CCDC102B: variants seen among roughly 807,000 people sequenced by gnomAD.
CCDC102B encodes coiled-coil domain containing 102B.
CCDC102B carries 75 observed loss-of-function variants against 57.4 expected under a neutral mutation model. The ratio of observed to expected loss-of-function variants is 1.31; its 90% CI spans 1.08 to 1.58. The LOEUF is 1.58. Among genes scored for constraint, CCDC102B ranks in the 40% most tolerant of loss-of-function variants. The probability of loss-of-function intolerance (pLI) is 0.00; values close to 1 mark genes in which losing one functional copy is unlikely to be tolerated. For synonymous variants in CCDC102B, 206 were observed against 201.9 expected (o/e 1.02, Z -0.17); for missense variants, 636 against 582.6 (o/e 1.09, Z -0.94).
intron 7 of CCDC102B, among the ~76,000 whole-genome samples, chr18:69,053,238 G>T (rs908513009): frequency 4.0e-5 from 6 of 151,266 alleles, no homozygotes; most frequent in Admixed American, 6.6e-5. Flanking sequence ...TAAAAAGCAA[G>T]AATATTACAT....
upstream of CCDC102B, among the ~76,000 whole-genome samples, chr18:68,795,025 TA>T (rs5825874): frequency 0.14 from 19,218 of 134,394 alleles, 1,440 homozygotes; most frequent in East Asian, 0.33. Context: ...AACTCGCCAG[TA>T]AAAAAAAAAA....
intron 2 of CCDC102B, among the ~76,000 whole-genome samples, chr18:68,716,768 T>C (rs2032025922): frequency 6.6e-6 from 1 of 151,256 alleles, no homozygotes; most frequent in Non-Finnish European, 1.5e-5. Context: ...ACCCCATCTG[T>C]ACAAAAAATT....
chr18:69,019,876 G>A (rs367782941), intron 7 of CCDC102B, among the ~76,000 whole-genome samples: 67 of 152,120 alleles, frequency 4.4e-4, no homozygotes, highest in African/African-American at 1.5e-3. Context: ...TTGTGCTTGG[G>A]CAAGTTTCTT....
intron 2 of CCDC102B, among the ~76,000 whole-genome samples, chr18:68,727,271 G>T (rs1042824596): frequency 6.6e-6 from 1 of 152,038 alleles, no homozygotes; most frequent in African/African-American, 2.4e-5. Context: ...CCATAACCAT[G>T]GTCAATAGTG....
At chr18:68,797,713 G>T (rs2035680236), upstream of CCDC102B, among the ~76,000 whole-genome samples, 1 of 146,928 alleles carries the variant, frequency 6.8e-6, no homozygotes, top group African/African-American at 2.5e-5. Context: ...GTAATGTGCA[G>T]TATAATTTCC....
At chr18:68,933,883 G>A (rs2041761176) in intron 6 of CCDC102B, among the ~76,000 whole-genome samples, 1 of 151,760 alleles carries the variant, frequency 6.6e-6, no homozygotes, top group South Asian at 2.1e-4. Flanking sequence ...CCATAACAAC[G>A]TGACTTTTAG....
intron 1 of CCDC102B, among the ~76,000 whole-genome samples, chr18:68,823,004 C>A (rs2036756037): frequency 6.6e-6 from 1 of 152,110 alleles, no homozygotes; most frequent in Non-Finnish European, 1.5e-5. Flanking sequence ...TCCCCTGTAG[C>A]ACAAATGGGA....
chr18:68,841,215 G>A (rs1466939109), intron 3 of CCDC102B, among the ~76,000 whole-genome samples: 1 of 152,140 alleles, frequency 6.6e-6, no homozygotes, highest in East Asian at 1.9e-4. Context: ...ACTGAGATGT[G>A]AATGTATTTT....
At chr18:68,950,185 G>A (rs9960832) in intron 6 of CCDC102B, among the ~76,000 whole-genome samples, 138,076 of 152,062 alleles carry the variant, frequency 0.91, 62,736 homozygotes, top group East Asian at 0.99. Context: ...CTTTTTTTCT[G>A]GAATATTTTT....
chr18:68,979,453 A>G (rs2050521346), intron 6 of CCDC102B, among the ~76,000 whole-genome samples: 1 of 152,036 alleles, frequency 6.6e-6, no homozygotes, highest in South Asian at 2.1e-4. Context: ...AGAATAAAAA[A>G]ACAAGTCGGC....
intron 2 of CCDC102B, among the ~76,000 whole-genome samples, chr18:68,760,741 T>G (rs1331743788): frequency 1.3e-5 from 2 of 152,012 alleles, no homozygotes; most frequent in African/African-American, 4.8e-5. Flanking sequence ...ATGTCTAAAT[T>G]TAGGTCTGAA....
chr18:68,765,324 G>GGAAAGAAAGAAAGAAAGAAAGAAA (rs1298584705), intron 2 of CCDC102B, among the ~76,000 whole-genome samples: 4 of 60,332 alleles, frequency 6.6e-5, no homozygotes, highest in African/African-American at 1.2e-4. Context: ...AAGGAAGGAA[G>GGAAAGAAAGAAAGAAAGAAAGAAA]GAAAGAAAGA....
chr18:68,919,037 G>A (rs1172265389), intron 6 of CCDC102B, among the ~76,000 whole-genome samples: 1 of 152,000 alleles, frequency 6.6e-6, no homozygotes, highest in African/African-American at 2.4e-5. Flanking sequence ...AGTGGAATAT[G>A]TGGAGGCTTT....
chr18:68,959,173 G>C (rs896734062), intron 6 of CCDC102B, among the ~76,000 whole-genome samples: 1 of 152,096 alleles, frequency 6.6e-6, no homozygotes, highest in Non-Finnish European at 1.5e-5. Flanking sequence ...AAAGGGACTT[G>C]GGTGTTCCTG....
At chr18:68,733,922 C>T (rs2033010624) in intron 2 of CCDC102B, among the ~76,000 whole-genome samples, 1 of 152,150 alleles carries the variant, frequency 6.6e-6, no homozygotes, top group Non-Finnish European at 1.5e-5. Context: ...AAGGTCCGAA[C>T]AACTGCCTCG....
intron 6 of CCDC102B, among the ~76,000 whole-genome samples, chr18:68,923,819 G>C (rs1020542756): frequency 1.8e-4 from 27 of 151,996 alleles, no homozygotes; most frequent in African/African-American, 6.5e-4. Context: ...TCTGAGACAT[G>C]GTTAGCCTGC....
Position 69,023,903 on chromosome 18 carries a change from T to C in CCDC102B, c.1434+12799T>C, listed in dbSNP as rs537479812. 2.1e-4 allele frequency among the ~76,000 whole-genome samples: 32 copies of C among 152,208 alleles called. No homozygotes were observed. In the South Asian group the frequency reaches 5.8e-3, roughly 28 times the overall value. On this transcript the variant is annotated intron_variant, in intron 7 of 7. Coordinates refer to ENST00000360242, the MANE Select transcript of CCDC102B (RefSeq NM_024781.3). Reference sequence around the variant, plus strand: ...ATTTGTAAAACAGTGGTGTTACAAATTCCTGATGAACCTTTTTAACATTCA... The same window carrying C: ...ATTTGTAAAACAGTGGTGTTACAAACTCCTGATGAACCTTTTTAACATTCA...
intron 4 of CCDC102B, among the ~76,000 whole-genome samples, chr18:68,863,178 TTATATA>T (rs60979864): frequency 2.0e-5 from 3 of 150,098 alleles, no homozygotes; most frequent in East Asian, 3.9e-4. Context: ...TAAGGTGTGT[TTATATA>T]TATATATATT....
intron 6 of CCDC102B, among the ~76,000 whole-genome samples, chr18:69,005,988 T>G (rs2055982096): frequency 6.6e-6 from 1 of 152,094 alleles, no homozygotes; most frequent in Admixed American, 6.5e-5. Context: ...ATACATATTT[T>G]CTGTTCAGAT....
Sources: gnomAD v4.1 joint callset for allele counts (sites outside exome capture counted in the v4.1 genomes callset) on GRCh38, gnomAD v4.1.1 for gene constraint, MANE v1.5 for transcripts, NCBI Gene and HGNC (gene_info 2026-07-23, HGNC 2026-07-21) for gene names.